Variants in RNF6 observed in about 807,000 individuals in gnomAD.
The protein encoded by RNF6 is ring finger protein 6.
Under a neutral mutation model 50.1 loss-of-function variants are expected in RNF6, and 21 were observed. The observed-to-expected ratio is 0.42, with a 90% CI of 0.30 to 0.60. The LOEUF (loss-of-function observed/expected upper bound fraction) is 0.60, where lower values mean the gene tolerates loss of function less well. Ranked by LOEUF, RNF6 falls within the 20% of genes least tolerant of loss-of-function variation. The pLI, the probability that RNF6 is intolerant of heterozygous loss-of-function variation, is 0.20. For missense variants in RNF6, 698 were observed against 838.2 expected, an observed-to-expected ratio of 0.83 and a Z score of 2.07; for synonymous variants, 255 against 291.8, an observed-to-expected ratio of 0.87 and a Z score of 1.29.
intron 5 of RNF6, among the ~76,000 whole-genome samples, chr13:26,169,055 C>T (rs1872568984): frequency 6.6e-6 from 1 of 152,158 alleles, no homozygotes; most frequent in African/African-American, 2.4e-5. Flanking sequence ...TCACAGATGT[C>T]AGCTGTGTTG....
chr13:26,181,115 G>T (rs1352473990), intron 5 of RNF6, among the ~76,000 whole-genome samples: 2 of 152,102 alleles, frequency 1.3e-5, no homozygotes, highest in Non-Finnish European at 2.9e-5. Flanking sequence ...GTCACATCCT[G>T]TACTTGACAA....
rs561818340 is a variant in RNF6, at chr13:26,206,929, T to A, written n.768+8545A>T. Among the ~76,000 whole-genome samples the A allele has an allele frequency of 7.6e-3, 1,146 of 151,776 alleles. 17 individuals carry two copies. The highest frequency in any genetic ancestry group is 0.026 in the African/African-American group (1,092 of 41,390). On this transcript the variant is annotated intron_variant and non_coding_transcript_variant, in intron 5 of 5. Coordinates refer to the RNF6 transcript ENST00000468480. ...CCCCTTCCTCCTTAAAAAAAAAAAA[T>A]TAAAAATTTTATTTTACAATTGTGT... is the stretch of plus-strand genomic sequence containing the variant.
intron 5 of RNF6, among the ~76,000 whole-genome samples, chr13:26,172,170 A>G (rs1397371844): frequency 6.6e-6 from 1 of 152,238 alleles, no homozygotes; most frequent in Non-Finnish European, 1.5e-5. Flanking sequence ...AAGTGAGCAT[A>G]TATAATCTAC....
intron 5 of RNF6, among the ~76,000 whole-genome samples, chr13:26,133,194 T>G (rs1481129352): frequency 6.6e-6 from 1 of 152,258 alleles, no homozygotes; most frequent in East Asian, 1.9e-4. Context: ...TGGGTTTTTA[T>G]GAAAATTTTT....
intron 5 of RNF6, among the ~76,000 whole-genome samples, chr13:26,194,961 C>T (rs111799222): frequency 0.031 from 4,667 of 152,234 alleles, 265 homozygotes; most frequent in African/African-American, 0.11. Context: ...TCTCCTTTGG[C>T]GATACCCTCA....
intron 5 of RNF6, among the ~76,000 whole-genome samples, chr13:26,147,971 A>G (rs1261362466): frequency 6.6e-6 from 1 of 152,202 alleles, no homozygotes; most frequent in Admixed American, 6.5e-5. Context: ...ATAGTGTATT[A>G]GTCCATTTTC....
downstream of RNF6, among the ~76,000 whole-genome samples, chr13:26,211,341 A>G (rs1373586552): frequency 6.6e-6 from 1 of 152,238 alleles, no homozygotes; most frequent in Non-Finnish European, 1.5e-5. Flanking sequence ...ACTAAGTCAA[A>G]GAATCAATAT....
chr13:26,155,352 T>C (rs1041327073), intron 5 of RNF6, among the ~76,000 whole-genome samples: 4 of 151,998 alleles, frequency 2.6e-5, no homozygotes, highest in African/African-American at 9.7e-5. Flanking sequence ...CCCCATGGTA[T>C]GTTTCTTTTT....
chr13:26,209,960 T>C (rs557303964), downstream of RNF6, among the ~76,000 whole-genome samples: 1 of 152,190 alleles, frequency 6.6e-6, no homozygotes, highest in Non-Finnish European at 1.5e-5. Context: ...AGAGATTTAA[T>C]ACTCAAACAA....
chr13:26,177,603 C>T (rs1873023205), intron 5 of RNF6, among the ~76,000 whole-genome samples: 1 of 152,190 alleles, frequency 6.6e-6, no homozygotes, highest in Non-Finnish European at 1.5e-5. Flanking sequence ...CTCACCCAAA[C>T]CTCTTCCACC....
chr13:26,139,719 C>T (rs1272434638), intron 5 of RNF6, among the ~76,000 whole-genome samples: 1 of 152,174 alleles, frequency 6.6e-6, no homozygotes, highest in Non-Finnish European at 1.5e-5. Context: ...TCCTTGCTGT[C>T]TTTTAATAAA....
chr13:26,148,418 A>T (rs1871363330), intron 5 of RNF6, among the ~76,000 whole-genome samples: 1 of 151,768 alleles, frequency 6.6e-6, no homozygotes, highest in Admixed American at 6.6e-5. Context: ...CTATGGCCAG[A>T]TCACACCATG....
chr13:26,145,718 C>A (rs1871198685), intron 5 of RNF6, among the ~76,000 whole-genome samples: 1 of 152,196 alleles, frequency 6.6e-6, no homozygotes, highest in South Asian at 2.1e-4. Flanking sequence ...TGTCTCTATA[C>A]CAGTGTGAGA....
intron 3 of RNF6, 75 bp downstream of exon 3, chr13:26,219,382 C>A: frequency 8.2e-7 from 1 of 1,213,696 alleles, no homozygotes; most frequent in Non-Finnish European, 1.1e-6. Flanking sequence ...AAAAAGAATA[C>A]CAATTCTCCT....
intron 5 of RNF6, among the ~76,000 whole-genome samples, chr13:26,179,567 C>T (rs373521473): frequency 6.6e-6 from 1 of 152,174 alleles, no homozygotes; most frequent in African/African-American, 2.4e-5. Context: ...CTTCTTATCT[C>T]ACGGCTCTGC....
At chr13:26,158,834 GT>G (rs1229637120) in intron 5 of RNF6, among the ~76,000 whole-genome samples, 3 of 151,986 alleles carry the variant, frequency 2.0e-5, no homozygotes, top group East Asian at 3.9e-4. Flanking sequence ...TTTGTTTCAA[GT>G]TTTTTTCCCC....
downstream of RNF6, among the ~76,000 whole-genome samples, chr13:26,211,889 A>T (rs1450649489): frequency 6.6e-6 from 1 of 152,218 alleles, no homozygotes; most frequent in Non-Finnish European, 1.5e-5. Context: ...CATACCTTGT[A>T]ACTAATTTGT....
At chr13:26,146,586 A>G (rs2137569958) in intron 5 of RNF6, among the ~76,000 whole-genome samples, 1 of 152,280 alleles carries the variant, frequency 6.6e-6, no homozygotes, top group Non-Finnish European at 1.5e-5. Flanking sequence ...AATGACAGAT[A>G]CACTCTAGCA....
At position 26,214,350 on chromosome 13, in the gene RNF6, T is replaced by C; in HGVS notation, c.1532A>G (p.Gln511Arg). The change falls in exon 5 of 5, where the codon CAG becomes CGG. Residue 511 changes from glutamine to arginine, a missense_variant. Physicochemically the swap from Gln to Arg is conservative, Grantham distance 43. Transcript: ENST00000381588. ...TTCTGAGTGCATGTCTGGTAAATGC[T>C]GGCCATTTCTTTGAAGTTCTGACTC... ...DSESELQRNGQHLPDMHSELS... is the reference protein window; with the variant it reads ...DSESELQRNGRHLPDMHSELS... 1 of 1,614,170 alleles carries C rather than the reference T, an allele frequency of 6.2e-7. No homozygotes were observed. The highest frequency in any genetic ancestry group is 1.1e-5 in the South Asian group (1 of 91,090).
Sources: gnomAD v4.1 joint callset for allele counts (sites outside exome capture counted in the v4.1 genomes callset) on GRCh38, gnomAD v4.1.1 for gene constraint, MANE v1.5 for transcripts, NCBI Gene and HGNC (gene_info 2026-07-23, HGNC 2026-07-21) for gene names.